HTT: variants seen among roughly 807,000 people sequenced by gnomAD.
The protein encoded by HTT is huntingtin, also known as huntington disease protein.
HTT carries 104 observed loss-of-function variants against 362.3 expected under a neutral mutation model. That is an observed-to-expected ratio of 0.29 (90% confidence interval 0.24 to 0.34). The LOEUF (loss-of-function observed/expected upper bound fraction) is 0.34. Ranked by LOEUF, HTT falls within the 10% of genes least tolerant of loss-of-function variation. HTT has a pLI of 1.00. For synonymous variants in HTT, 1,577 were observed against 1,548.7 expected (o/e 1.02, Z -0.43); for missense variants, 3,301 against 3,928.6 (o/e 0.84, Z 4.27).
At chr4:3,123,598 G>A (rs906138449) in intron 10 of HTT, 2 of 152,244 alleles carry the variant, frequency 1.3e-5, no homozygotes, top group African/African-American at 4.8e-5. Flanking sequence ...GCTGAGGCAA[G>A]AGGATTGTTT....
At chr4:3,199,566 CTG>C (rs1271609956) in intron 40 of HTT, among the ~76,000 whole-genome samples, 164 bp from the exon 41 acceptor site, 10 of 151,706 alleles carry the variant, frequency 6.6e-5, no homozygotes, top group Non-Finnish European at 7.4e-5. Context: ...AGTAGGATAT[CTG>C]TTTCTGCTTA....
At chr4:3,159,010 C>T (rs549215452) in intron 28 of HTT, among the ~76,000 whole-genome samples, 5 of 152,294 alleles carry the variant, frequency 3.3e-5, no homozygotes, top group Middle Eastern at 3.4e-3. Context: ...CTGTCATCCC[C>T]GCGGTCAGCT....
intron 8 of HTT, among the ~76,000 whole-genome samples, 172 bp downstream of exon 8, chr4:3,116,435 C>G (rs1181496982): frequency 6.6e-6 from 1 of 152,174 alleles, no homozygotes; most frequent in African/African-American, 2.4e-5. Flanking sequence ...CTCTGTATGT[C>G]CCTGTCACCG....
chr4:3,136,041 C>T (rs1184034732), intron 20 of HTT, 74 bp downstream of exon 20: 8 of 1,097,414 alleles, frequency 7.3e-6, no homozygotes, highest in Non-Finnish European at 1.1e-5. Context: ...TGTGGAATTT[C>T]TCTAAATGCA....
chr4:3,165,770 T>C (rs867107881), intron 29 of HTT, among the ~76,000 whole-genome samples: 1 of 152,080 alleles, frequency 6.6e-6, no homozygotes, highest in South Asian at 2.1e-4. Context: ...ATCAGGTCAT[T>C]TAAGCTCTTC....
rs1720500783 is a variant in HTT, at chr4:3,218,083, C to T, written c.7242+131C>T. On this transcript the variant is annotated intron_variant, in intron 52 of 66. Coordinates refer to ENST00000355072, the MANE Select transcript of HTT (RefSeq NM_001388492.1). This position sits in a 1 kb window ranked among gnomAD's most constrained non-coding sequence, Gnocchi z 4.4. ...GGCTGCCTGCTGTGGTTCTGGTGCC[C>T]ACTGTGGTTCTGGTGCCAGGCTGCT... 1.3e-6 allele frequency: 1 copy of T among 745,182 alleles called. No individual in the cohort carries two copies. The highest frequency in any genetic ancestry group is 2.0e-5 in the South Asian group (1 of 49,778). 46.2% of individuals were successfully genotyped at this position (745,182 alleles called of 1,614,324 possible).
intron 60 of HTT, among the ~76,000 whole-genome samples, chr4:3,231,554 C>T (rs966548841): frequency 2.0e-5 from 3 of 152,178 alleles, no homozygotes; most frequent in Non-Finnish European, 4.4e-5. Context: ...CTTGACTGCT[C>T]TTGCCTAGAC....
intron 3 of HTT, among the ~76,000 whole-genome samples, chr4:3,100,624 G>T (rs1714105769): frequency 6.6e-6 from 1 of 152,176 alleles, no homozygotes; most frequent in Non-Finnish European, 1.5e-5. Context: ...CTGATCATTG[G>T]CACCACTTGC....
At chr4:3,198,516 C>T (rs1034418363) in intron 40 of HTT, among the ~76,000 whole-genome samples, 5 of 152,304 alleles carry the variant, frequency 3.3e-5, no homozygotes, top group Non-Finnish European at 5.9e-5. Context: ...TGAGCCACCA[C>T]ACCCGGCCTG....
chr4:3,228,965 G>A lies in HTT; in HGVS notation c.8065G>A (p.Ala2689Thr), dbSNP rs766772445. The A allele has an allele frequency of 3.1e-5, 50 of 1,613,592 alleles. No homozygotes were observed. Among genetic ancestry groups the A allele is most frequent in the Non-Finnish European group, 4.0e-5 (47 of 1,179,796 alleles). ...CCGCTGGATCCTGCCGTCCAGCTCA[G>A]CCAGGAGGACCCCGGCCATCCTGAT... ...YSRWILPSSS[A>T]RRTPAILISE... Residue 2689 changes from alanine (A) to threonine (T), a missense_variant, in exon 59 of 67, where the codon GCC (alanine) becomes ACC (threonine). Physicochemically the swap from Ala to Thr is moderately conservative, Grantham distance 58. Transcript: ENST00000355072. The surrounding 1 kb of genome is among the most constrained non-coding windows in gnomAD (Gnocchi z 4.3).
chr4:3,143,011 G>A (rs363153), intron 23 of HTT, 125 bp downstream of exon 23: 7,891 of 647,526 alleles, frequency 0.012, 390 homozygotes, highest in African/African-American at 0.12. Context: ...TATCCATGAG[G>A]CTTGCTAAGA....
chr4:3,139,359 G>A (rs1464040493), intron 21 of HTT, among the ~76,000 whole-genome samples: 1 of 152,052 alleles, frequency 6.6e-6, no homozygotes, highest in African/African-American at 2.4e-5. Flanking sequence ...CACCATGCCC[G>A]GCTAATTTTT....
chr4:3,172,363 G>A lies in HTT; in HGVS notation c.3908G>A (p.Arg1303Gln), dbSNP rs1472029279. The change falls in exon 30 of 67, where the codon CGA becomes CAA. Residue 1303 changes from arginine (R) to glutamine (Q), a missense_variant. Arg to Gln is a conservative substitution (Grantham distance 43). Coordinates refer to ENST00000355072, the MANE Select transcript of HTT (RefSeq NM_001388492.1). ...ILGYLKSCFS[R>Q]EPMMATVCVQ... is the part of the protein sequence containing the mutation. ...GGATACCTGAAATCCTGCTTTAGTCGAGAACCAATGATGGCAACTGTTTGT... is the reference window on the plus strand; with the variant it reads ...GGATACCTGAAATCCTGCTTTAGTCAAGAACCAATGATGGCAACTGTTTGT... 24 of 1,611,350 alleles carry A rather than the reference G, an allele frequency of 1.5e-5. No homozygotes were observed. Among genetic ancestry groups the A allele is most frequent in the Admixed American group, 3.3e-5 (2 of 60,002 alleles).
chr4:3,206,924 C>T lies in HTT; in HGVS notation c.6016C>T (p.Arg2006Cys), dbSNP rs777338986. Residue 2006 changes from arginine (R) to cysteine (C), a missense_variant, in exon 44 of 67, where the codon CGC becomes TGC. Transcript: ENST00000355072. This position sits in a 1 kb window ranked among gnomAD's most constrained non-coding sequence, Gnocchi z 4.6. Reference protein sequence around the residue: ...LLCTPFRVLARMVDILACRRV... With the variant: ...LLCTPFRVLACMVDILACRRV... ...GTGCACCCCTTTCCGTGTGCTGGCT[C>T]GCATGGTCGACATCCTTGCTTGTCG... The T allele has an allele frequency of 1.1e-5, 18 of 1,613,944 alleles. No homozygotes were observed. Among genetic ancestry groups the T allele is most frequent in the South Asian group, 9.9e-5 (9 of 91,082 alleles).
At chr4:3,106,894 G>A (rs938069995) in intron 5 of HTT, among the ~76,000 whole-genome samples, 5 of 152,106 alleles carry the variant, frequency 3.3e-5, no homozygotes, top group Admixed American at 2.0e-4. Flanking sequence ...CTACACATTC[G>A]GCTTTTCTTC....
chr4:3,134,457 C>T lies in HTT; in HGVS notation c.2550C>T (p.Ile850=). 6.2e-7 allele frequency: 1 copy of T among 1,613,906 alleles called. No homozygotes were observed. Among genetic ancestry groups the T allele is most frequent in the Non-Finnish European group, 8.5e-7 (1 of 1,179,778 alleles). Residue 850 remains isoleucine, a synonymous_variant, in exon 19 of 67, where the codon ATC becomes ATT. Transcript: ENST00000355072. ...SSYSELGLQL[I]IDVLTLRNSS... ...ACAGTGAGTTAGGACTGCAGCTGATCATCGATGTGCTGACTCTGAGGAACA... is the reference window on the plus strand; with the variant it reads ...ACAGTGAGTTAGGACTGCAGCTGATTATCGATGTGCTGACTCTGAGGAACA...
Position 3,074,723 on chromosome 4 carries a change from C to A in HTT, c.-103C>A, listed in dbSNP as rs146151652. 5 of 1,288,626 alleles carry A rather than the reference C, an allele frequency of 3.9e-6. No individual in the cohort carries two copies. In the East Asian group the frequency reaches 1.3e-4, roughly 33 times the overall value. The allele number at this position is 1,288,626 out of a possible 1,614,324, so 79.8% of individuals were successfully genotyped here. On this transcript the variant is annotated 5_prime_UTR_variant, in exon 1 of 67. Coordinates refer to ENST00000355072, the MANE Select transcript of HTT (RefSeq NM_001388492.1). ...AAGATGGACGGCCGCTCAGGTTCTGCTTTTACCTGCGGCCCAGAGCCCCAT... is the reference window on the plus strand; with the variant it reads ...AAGATGGACGGCCGCTCAGGTTCTGATTTTACCTGCGGCCCAGAGCCCCAT...
intron 29 of HTT, among the ~76,000 whole-genome samples, chr4:3,170,545 C>T (rs1461344759): frequency 6.6e-6 from 1 of 152,164 alleles, no homozygotes; most frequent in Non-Finnish European, 1.5e-5. Context: ...TCGAGAGGGA[C>T]CTTCCCCAGA....
chr4:3,165,141 C>T (rs1033996965), intron 29 of HTT, among the ~76,000 whole-genome samples: 3 of 152,136 alleles, frequency 2.0e-5, no homozygotes, highest in African/African-American at 7.2e-5. Flanking sequence ...TCTGCATTTG[C>T]TTGTCTGTAA....
Sources: gnomAD v4.1 joint callset for allele counts (sites outside exome capture counted in the v4.1 genomes callset) on GRCh38, gnomAD v4.1.1 for gene constraint, Gnocchi (gnomAD v3.1) non-coding constraint, MANE v1.5 for transcripts, NCBI Gene and HGNC (gene_info 2026-07-23, HGNC 2026-07-21) for gene names.